Variants in FGGY observed in about 807,000 individuals in gnomAD.
FGGY encodes FGGY carbohydrate kinase domain-containing protein.
Under a neutral mutation model 71.3 loss-of-function variants are expected in FGGY, and 72 were observed. The observed-to-expected ratio is 1.01, with a 90% CI of 0.84 to 1.23. The LOEUF (loss-of-function observed/expected upper bound fraction) is 1.23, where lower values mean the gene tolerates loss of function less well. Ranked by LOEUF, FGGY falls within the 50% of genes most tolerant of loss-of-function variation. The probability of loss-of-function intolerance (pLI) is 0.00; values close to 1 mark genes in which losing one functional copy is unlikely to be tolerated. For synonymous variants in FGGY, 251 were observed against 250.3 expected (o/e 1.00, Z -0.02); for missense variants, 668 against 682.3 (o/e 0.98, Z 0.23).
chr1:59,736,748 A>T (rs376366021), intron 14 of FGGY, among the ~76,000 whole-genome samples: 9 of 152,372 alleles, frequency 5.9e-5, no homozygotes, highest in Admixed American at 2.6e-4. Flanking sequence ...CAAAATTTGC[A>T]GCCTGACAAT....
intron 10 of FGGY, among the ~76,000 whole-genome samples, chr1:59,633,147 A>G (rs2153874166): frequency 6.6e-6 from 1 of 151,784 alleles, no homozygotes; most frequent in East Asian, 2.0e-4. Flanking sequence ...AGTAGCTGGG[A>G]CTACAGGCGC....
chr1:59,642,364 C>T lies in FGGY; in HGVS notation c.1221+3989C>T, dbSNP rs532983832. Among the ~76,000 whole-genome samples the T allele has an allele frequency of 6.6e-5, 10 of 152,306 alleles. No individual in the cohort carries two copies. In the South Asian group the frequency reaches 1.7e-3, roughly 25 times the overall value. ...AATCACGGCTGTGTGCGGTGGCTCA[C>T]GCCTGTAATCCCAGCACTTTGGGAG... On this transcript the variant is annotated intron_variant, in intron 11 of 15. Transcript: ENST00000303721.
intron 5 of FGGY, among the ~76,000 whole-genome samples, chr1:59,385,558 A>G (rs2059979129): frequency 6.6e-6 from 1 of 152,194 alleles, no homozygotes; most frequent in Non-Finnish European, 1.5e-5. Flanking sequence ...GTTACTGTCT[A>G]CAATTTTGAT....
chr1:59,464,079 A>G (rs2092447665), intron 6 of FGGY, among the ~76,000 whole-genome samples: 1 of 152,202 alleles, frequency 6.6e-6, no homozygotes, highest in African/African-American at 2.4e-5. Context: ...TGAGCACCAC[A>G]TTGCACTTAT....
chr1:59,526,261 T>C (rs2094975566), intron 7 of FGGY, among the ~76,000 whole-genome samples: 1 of 152,242 alleles, frequency 6.6e-6, no homozygotes, highest in Non-Finnish European at 1.5e-5. Context: ...GAGGTGCTAC[T>C]GGTATACAGA....
chr1:59,301,424 G>A (rs546346827), intron 1 of FGGY, among the ~76,000 whole-genome samples: 22 of 152,162 alleles, frequency 1.4e-4, no homozygotes, highest in South Asian at 8.3e-4. Flanking sequence ...CTTCCTTTCC[G>A]ATGAGATTGC....
At chr1:59,651,891 C>A (rs1013826541) in intron 11 of FGGY, among the ~76,000 whole-genome samples, 1 of 151,814 alleles carries the variant, frequency 6.6e-6, no homozygotes, top group Non-Finnish European at 1.5e-5. Context: ...CGGCTGGTAC[C>A]GATTGTTCCT....
intron 10 of FGGY, among the ~76,000 whole-genome samples, chr1:59,632,772 C>T (rs144298788): frequency 1.3e-5 from 2 of 152,210 alleles, no homozygotes; most frequent in African/African-American, 4.8e-5. Context: ...TATTGAGAGT[C>T]CCCTTTTAGC....
intron 5 of FGGY, among the ~76,000 whole-genome samples, chr1:59,414,644 G>C (rs1286301469): frequency 6.6e-6 from 1 of 151,610 alleles, no homozygotes; most frequent in Admixed American, 6.6e-5. Context: ...CACATGGATA[G>C]TGCAAGATGC....
chr1:59,421,444 G>A (rs546676383), intron 5 of FGGY, among the ~76,000 whole-genome samples: 125 of 151,810 alleles, frequency 8.2e-4, no homozygotes, highest in African/African-American at 2.8e-3. Flanking sequence ...TCAGGGTGTG[G>A]TATAGTTAAA....
chr1:59,463,604 A>C lies in FGGY; in HGVS notation c.670+6528A>C, dbSNP rs148882457. On this transcript the variant is annotated intron_variant, in intron 6 of 15. Transcript: ENST00000303721. ...GAGTCAAGACCCATCAGTGTGCTGT[A>C]TTCAGGAAACCCGTCTCACGTGCAG... 1.2e-3 allele frequency among the ~76,000 whole-genome samples: 185 copies of C among 151,808 alleles called. 1 individual carries two copies. In the East Asian group the frequency reaches 0.025, roughly 21 times the overall value.
At chr1:59,648,580 A>G (rs1305136888) in intron 11 of FGGY, among the ~76,000 whole-genome samples, 1 of 147,150 alleles carries the variant, frequency 6.8e-6, no homozygotes, top group East Asian at 2.0e-4. Context: ...TCCTTTGCCC[A>G]CTTTTTGATG....
intron 2 of FGGY, 51 bp from the exon 3 acceptor site, chr1:59,339,907 C>A: frequency 1.8e-6 from 2 of 1,126,152 alleles, no homozygotes; most frequent in South Asian, 1.4e-5. Context: ...TGTTTTCAAT[C>A]TTTAAAGACC....
intron 7 of FGGY, among the ~76,000 whole-genome samples, chr1:59,516,778 A>G (rs1426601567): frequency 6.6e-6 from 1 of 152,164 alleles, no homozygotes; most frequent in Non-Finnish European, 1.5e-5. Flanking sequence ...AAACCCTGAC[A>G]ACTGTAGTCA....
At chr1:59,680,648 A>G (rs1427854628) in intron 14 of FGGY, 1 of 152,196 alleles carries the variant, frequency 6.6e-6, no homozygotes, top group Non-Finnish European at 1.5e-5. Context: ...AATATAAGAT[A>G]CACATCATTT....
At chr1:59,593,622 T>C (rs975460555) in intron 8 of FGGY, among the ~76,000 whole-genome samples, 1 of 152,250 alleles carries the variant, frequency 6.6e-6, no homozygotes, top group Non-Finnish European at 1.5e-5. Flanking sequence ...AAATTCTTAC[T>C]GTATAGTTTA....
At chr1:59,613,336 C>T (rs559993371) in intron 9 of FGGY, among the ~76,000 whole-genome samples, 5 of 152,194 alleles carry the variant, frequency 3.3e-5, no homozygotes, top group African/African-American at 9.6e-5. Context: ...ATTCAGGTTT[C>T]AGAAACTCAC....
chr1:59,521,036 T>TG (rs5774474), intron 7 of FGGY, among the ~76,000 whole-genome samples: 98,131 of 131,394 alleles, frequency 0.75, 35,312 homozygotes, highest in African/African-American at 0.83. Context: ...AAATTGGGGG[T>TG]GGGGGGGGAT....
chr1:59,366,083 G>A (rs2056533139), intron 4 of FGGY, among the ~76,000 whole-genome samples: 1 of 152,192 alleles, frequency 6.6e-6, no homozygotes, highest in Non-Finnish European at 1.5e-5. Flanking sequence ...TGAGTATGAT[G>A]AGTTTTCATT....
Sources: allele counts gnomAD v4.1 joint callset (sites outside exome capture counted in the v4.1 genomes callset), GRCh38; gene constraint gnomAD v4.1.1; transcripts MANE v1.5; gene names NCBI Gene and HGNC (gene_info 2026-07-23, HGNC 2026-07-21).